GPR137C: variants seen among roughly 807,000 people sequenced by gnomAD.
GPR137C encodes G protein-coupled receptor 137C, also known as integral membrane protein GPR137C.
A neutral mutation model predicts 43.4 loss-of-function variants in GPR137C; 27 were observed. The observed-to-expected ratio is 0.62, with a 90% CI of 0.46 to 0.86. The LOEUF (loss-of-function observed/expected upper bound fraction) is 0.86. Ranked by LOEUF, GPR137C falls within the 40% of genes least tolerant of loss-of-function variation. GPR137C has a pLI of 0.00. For missense variants in GPR137C, 522 were observed against 534.6 expected (o/e 0.98, Z 0.23); for synonymous variants, 285 against 226.9 (o/e 1.26, Z -2.30).
At chr14:52,563,938 C>A (rs1023654527) in intron 1 of GPR137C, among the ~76,000 whole-genome samples, 2 of 152,110 alleles carry the variant, frequency 1.3e-5, no homozygotes, top group African/African-American at 4.8e-5. Context: ...CAGGCCCATT[C>A]TCCACAGTGT....
intron 1 of GPR137C, among the ~76,000 whole-genome samples, chr14:52,561,776 C>T (rs955653908): frequency 6.6e-6 from 1 of 152,054 alleles, no homozygotes; most frequent in African/African-American, 2.4e-5. Flanking sequence ...AAAGTGCAAA[C>T]CTATGGTCAC....
At chr14:52,556,045 A>C (rs1442451366) in intron 1 of GPR137C, among the ~76,000 whole-genome samples, 9 of 152,190 alleles carry the variant, frequency 5.9e-5, no homozygotes, top group Admixed American at 1.3e-4. Flanking sequence ...TATTATAGCA[A>C]AGTGGTAGGG....
chr14:52,618,863 A>C (rs192354185), intron 3 of GPR137C, among the ~76,000 whole-genome samples: 96 of 152,132 alleles, frequency 6.3e-4, no homozygotes, highest in Non-Finnish European at 1.1e-3. Flanking sequence ...TTTGTCTGAA[A>C]GACCAATCAA....
At chr14:52,604,806 T>C (rs1049818396) in intron 3 of GPR137C, among the ~76,000 whole-genome samples, 1 of 152,100 alleles carries the variant, frequency 6.6e-6, no homozygotes, top group African/African-American at 2.4e-5. Flanking sequence ...GCACCATTTA[T>C]TGAGATTGTG....
At chr14:52,566,189 CCTTCT>C (rs1409712084) in intron 1 of GPR137C, among the ~76,000 whole-genome samples, 1 of 152,088 alleles carries the variant, frequency 6.6e-6, no homozygotes, top group East Asian at 1.9e-4. Context: ...CAAATTTGTA[CCTTCT>C]CTTCTCTTAC....
At position 52,635,706 on chromosome 14, in the gene GPR137C, A is replaced by G. The variant is rs1187607886; in HGVS notation, c.*591A>G. On this transcript the variant is annotated 3_prime_UTR_variant, in exon 7 of 7. Transcript: ENST00000321662. ...TCAATCATTTTAAACAAATGATGGT[A>G]GTAATCCATTAGTTATGGCCAGCAG... 2 of 152,176 alleles carry G rather than the reference A, an allele frequency of 1.3e-5. No individual in the cohort carries two copies. Among genetic ancestry groups the G allele is most frequent in the Non-Finnish European group, 2.9e-5 (2 of 68,016 alleles). 9.4% of individuals were successfully genotyped at this position (152,176 alleles called of 1,614,324 possible). A position where few individuals can be genotyped will look rare whatever the true frequency, so the allele number is the denominator to read the frequency against.
rs553878993 is a variant in GPR137C, at chr14:52,624,226, A to AG, written c.718-7934_718-7933insG. On this transcript the variant is annotated intron_variant, in intron 3 of 6. Transcript: ENST00000321662. ...AAATAACCCATGGGTAAAAAAAAAA[A>AG]AAAGAAAGAACAAGGGACATTAGAA... is the stretch of plus-strand genomic sequence containing the variant. Among the ~76,000 whole-genome samples the AG allele has an allele frequency of 5.8e-4, 88 of 151,460 alleles. 1 individual carries two copies. Among genetic ancestry groups the AG allele is most frequent in the Non-Finnish European group, 4.3e-4 (29 of 67,830 alleles).
intron 1 of GPR137C, among the ~76,000 whole-genome samples, chr14:52,595,107 G>T (rs2038835779): frequency 6.6e-6 from 1 of 152,116 alleles, no homozygotes; most frequent in Non-Finnish European, 1.5e-5. Flanking sequence ...GAAATTCTGG[G>T]TTGAAAATTC....
At chr14:52,555,082 C>T (rs998242451) in intron 1 of GPR137C, among the ~76,000 whole-genome samples, 3 of 152,052 alleles carry the variant, frequency 2.0e-5, no homozygotes, top group Non-Finnish European at 2.9e-5. Context: ...ACATTGTAAT[C>T]TTCCTGCCAC....
chr14:52,557,667 A>G (rs1454493627), intron 1 of GPR137C, among the ~76,000 whole-genome samples: 1 of 152,256 alleles, frequency 6.6e-6, no homozygotes, highest in Admixed American at 6.5e-5. Flanking sequence ...AGACATGATT[A>G]TAATGCCTTA....
rs369713179 is a variant in GPR137C, at chr14:52,577,516, G to GCGCGCACACACACACA, written c.445-20755_445-20754insGCGCACACACACACAC. 9.3e-3 allele frequency among the ~76,000 whole-genome samples: 1,357 copies of GCGCGCACACACACACA among 145,440 alleles called. 13 individuals carry two copies. Among genetic ancestry groups the GCGCGCACACACACACA allele is most frequent in the Non-Finnish European group, 0.015 (988 of 66,198 alleles). ...CAAACATGCACGCGTGCGCGCGCGC[G>GCGCGCACACACACACA]CACACACACACACACACACACACAC... On this transcript the variant is annotated intron_variant, in intron 1 of 6. Coordinates refer to ENST00000321662, the MANE Select transcript of GPR137C (RefSeq NM_001099652.2).
At chr14:52,558,714 A>G (rs2038232866) in intron 1 of GPR137C, among the ~76,000 whole-genome samples, 1 of 152,258 alleles carries the variant, frequency 6.6e-6, no homozygotes, top group Non-Finnish European at 1.5e-5. Flanking sequence ...TCATTTATGA[A>G]TTAAACACTG....
chr14:52,587,932 T>C (rs944657886), intron 1 of GPR137C, among the ~76,000 whole-genome samples: 6 of 152,222 alleles, frequency 3.9e-5, no homozygotes, highest in African/African-American at 1.4e-4. Context: ...AGATGTACTT[T>C]TTTAAAAGAA....
intron 1 of GPR137C, among the ~76,000 whole-genome samples, chr14:52,576,200 A>C (rs1380961502): frequency 6.6e-6 from 1 of 152,196 alleles, no homozygotes; most frequent in Non-Finnish European, 1.5e-5. Context: ...TTTAACTCCC[A>C]CTTATAAGTG....
In GPR137C at chr14:52,637,218, CAAAT is replaced by C. The variant is rs2039362987; in HGVS notation, c.*2107_*2110del. On this transcript the variant is annotated 3_prime_UTR_variant, in exon 7 of 7. Transcript: ENST00000321662. ...TACACATCTAACATATCACCAAAGA[CAAAT>C]AAAGATACACTCTGGCCCAATCTTT... 2 of 152,158 alleles carry C rather than the reference CAAAT, an allele frequency of 1.3e-5. No individual in the cohort carries two copies. The highest frequency in any genetic ancestry group is 4.1e-4 in the South Asian group (2 of 4,826). The allele number at this position is 152,158 out of a possible 1,614,324, so 9.4% of individuals were successfully genotyped here. A position where few individuals can be genotyped will look rare whatever the true frequency, so the allele number is the denominator to read the frequency against.
intron 1 of GPR137C, among the ~76,000 whole-genome samples, chr14:52,596,011 G>A (rs1267008979): frequency 6.6e-6 from 1 of 152,180 alleles, no homozygotes; most frequent in Non-Finnish European, 1.5e-5. Context: ...TGGTGTGGAT[G>A]TCCTTTTTGT....
chr14:52,568,925 G>A (rs10141883), intron 1 of GPR137C, among the ~76,000 whole-genome samples: 20,016 of 152,274 alleles, frequency 0.13, 1,399 homozygotes, highest in Non-Finnish European at 0.15. Context: ...GGATCTCCCA[G>A]CACAGCGCTT....
In GPR137C at chr14:52,600,143, A is replaced by G; in HGVS notation, c.519A>G (p.Ala173=). ...TACTGCATTTGGGCTTTATAATGGC[A>G]AGCCTGCTCTTTTTAGTGGTGAACT... ...KILLHLGFIM[A]SLLFLVVNLT... Residue 173 remains alanine, a synonymous_variant, in exon 3 of 7, where the codon GCA becomes GCG. Transcript: ENST00000321662. 1 of 1,613,822 alleles carries G rather than the reference A, an allele frequency of 6.2e-7. No individual in the cohort carries two copies. Among genetic ancestry groups the G allele is most frequent in the Non-Finnish European group, 8.5e-7 (1 of 1,179,794 alleles).
At chr14:52,608,064 T>A (rs549427361) in intron 3 of GPR137C, among the ~76,000 whole-genome samples, 112 of 152,308 alleles carry the variant, frequency 7.4e-4, no homozygotes, top group African/African-American at 2.7e-3. Flanking sequence ...TAATCCATTT[T>A]GCCACTCTGT....
Sources: gnomAD v4.1 joint callset for allele counts (sites outside exome capture counted in the v4.1 genomes callset) on GRCh38, gnomAD v4.1.1 for gene constraint, MANE v1.5 for transcripts, NCBI Gene and HGNC (gene_info 2026-07-23, HGNC 2026-07-21) for gene names.